FAAP20: variants seen among roughly 807,000 people sequenced by gnomAD.
The protein encoded by FAAP20 is FA core complex associated protein 20, also known as Fanconi anemia core complex-associated protein 20.
A neutral mutation model predicts 16.2 loss-of-function variants in FAAP20; 12 were observed. That is an observed-to-expected ratio of 0.74 (90% CI 0.48 to 1.20). The LOEUF (loss-of-function observed/expected upper bound fraction) is 1.20, where lower values mean the gene tolerates loss of function less well. Among genes scored for constraint, FAAP20 ranks in the 50% most tolerant of loss-of-function variants. The probability of loss-of-function intolerance (pLI) is 0.00; values close to 1 mark genes in which losing one functional copy is unlikely to be tolerated. For synonymous variants in FAAP20, 141 were observed against 110.7 expected, an observed-to-expected ratio of 1.27 and a Z score of -1.72; for missense variants, 288 against 245.8, an observed-to-expected ratio of 1.17 and a Z score of -1.15.
downstream of FAAP20, among the ~76,000 whole-genome samples, chr1:2,207,253 C>T (rs1209104981): frequency 6.6e-6 from 1 of 152,192 alleles, no homozygotes; most frequent in Non-Finnish European, 1.5e-5. Flanking sequence ...GCCTGTGCAT[C>T]CAGGGTGTCT....
downstream of FAAP20, among the ~76,000 whole-genome samples, chr1:2,186,580 A>G (rs1041280266): frequency 6.8e-6 from 1 of 147,690 alleles, no homozygotes; most frequent in Non-Finnish European, 1.5e-5. Context: ...TTGAGACTCA[A>G]CTCCAAAGAC....
downstream of FAAP20, among the ~76,000 whole-genome samples, chr1:2,209,122 T>C (rs1490324230): frequency 6.6e-6 from 1 of 152,124 alleles, no homozygotes; most frequent in Non-Finnish European, 1.5e-5. Context: ...CGGTGTCCTC[T>C]ACCCACCATC....
At chr1:2,185,200 A>C (rs1687397053), downstream of FAAP20, 15 of 709,060 alleles carry the variant, frequency 2.1e-5, no homozygotes, top group Admixed American at 6.1e-5. Flanking sequence ...GGGCCCGGGC[A>C]GGCCAGCTTC....
chr1:2,184,880 A>G (rs2100596504), downstream of FAAP20: 1 of 1,545,964 alleles, frequency 6.5e-7, no homozygotes, highest in East Asian at 2.3e-5. Flanking sequence ...AAGGGAATGA[A>G]CACACGGTCA....
chr1:2,197,661 C>G (rs755880111), upstream of FAAP20, among the ~76,000 whole-genome samples: 1 of 152,248 alleles, frequency 6.6e-6, no homozygotes, highest in South Asian at 2.1e-4. Context: ...GCTTTGGGGA[C>G]GCAGAGGCAG....
downstream of FAAP20, chr1:2,189,533 G>C (rs370181590): frequency 4.8e-6 from 3 of 629,770 alleles, no homozygotes; most frequent in Non-Finnish European, 5.8e-6. Context: ...ACGTCAGAAA[G>C]AAAAGCGGCA....
At chr1:2,184,902 C>T (rs780864768), downstream of FAAP20, 5 of 1,608,436 alleles carry the variant, frequency 3.1e-6, no homozygotes, top group East Asian at 4.5e-5. Context: ...CCCCCTCCCC[C>T]CTGCCACCTT....
rs745438526 is a variant in FAAP20 at position 2,192,592 on chromosome 1, G to C, written c.470+1047C>G. The C allele has an allele frequency of 5.6e-6, 6 of 1,078,712 alleles. No individual in the cohort carries two copies. In the Admixed American group the frequency reaches 2.2e-4, roughly 40 times the overall value. The allele number at this position is 1,078,712 out of a possible 1,614,324, so 66.8% of individuals were successfully genotyped here. ...ATCTCAGAGCTTCAGCCAAGAGCAT[G>C]GATTTCTCCCCAGGGCTCCCAACAG... On this transcript the variant is annotated intron_variant, in intron 3 of 3. Coordinates refer to ENST00000378546, the MANE Select transcript of FAAP20 (RefSeq NM_182533.4).
upstream of FAAP20, chr1:2,200,692 G>A (rs992466617): frequency 1.3e-5 from 13 of 986,832 alleles, no homozygotes; most frequent in Admixed American, 1.2e-4. Context: ...TTTCCAAGCC[G>A]CCACGCACCA....
chr1:2,194,691 C>T lies in FAAP20; in HGVS notation c.59G>A (p.Gly20Asp). 9 of 1,161,878 alleles carry T rather than the reference C, an allele frequency of 7.7e-6. No individual in the cohort carries two copies. Among genetic ancestry groups the T allele is most frequent in the Non-Finnish European group, 9.5e-6 (9 of 945,234 alleles). The allele number at this position is 1,161,878 out of a possible 1,614,324, so 72.0% of individuals were successfully genotyped here. A position where few individuals can be genotyped will look rare whatever the true frequency, so the allele number is the denominator to read the frequency against. Reference sequence around the variant, plus strand: ...CCCGCCCGGCTCCCGGCCTCACCCGCCCGCCGGGCGCGGCCTCCGGCGGCT... The same window carrying T: ...CCCGCCCGGCTCCCGGCCTCACCCGTCCGCCGGGCGCGGCCTCCGGCGGCT... ...GLSRRRPRPA[G>D]GPSGGRPWFL... The change falls in exon 1 of 4, where the codon GGC becomes GAC. Residue 20 changes from glycine to aspartate, a missense_variant. Coordinates refer to ENST00000378546, the MANE Select transcript of FAAP20 (RefSeq NM_182533.4).
Position 2,194,753 on chromosome 1 carries a change from A to C in FAAP20, c.-4T>G. 2 of 1,180,652 alleles carry C rather than the reference A, an allele frequency of 1.7e-6. No individual in the cohort carries two copies. The highest frequency in any genetic ancestry group is 2.1e-6 in the Non-Finnish European group (2 of 956,654). The allele number at this position is 1,180,652 out of a possible 1,614,324, so 73.1% of individuals were successfully genotyped here. A position where few individuals can be genotyped will look rare whatever the true frequency, so the allele number is the denominator to read the frequency against. On this transcript the variant is annotated 5_prime_UTR_variant, in exon 1 of 4. Coordinates refer to ENST00000378546, the MANE Select transcript of FAAP20 (RefSeq NM_182533.4). ...GCGGCCTCCGCGCCGCCTCCATCCAAGCCCGCGCCGGGCGGAAGTGAGCGC... is the reference window on the plus strand; with the variant it reads ...GCGGCCTCCGCGCCGCCTCCATCCACGCCCGCGCCGGGCGGAAGTGAGCGC...
intron 1 of FAAP20, 115 bp downstream of exon 1, chr1:2,194,573 C>T (rs1572120076): frequency 2.3e-6 from 1 of 442,682 alleles, no homozygotes; most frequent in Non-Finnish European, 3.2e-6. Context: ...GGGGCCGGGC[C>T]CGGGGGCAGG....
chr1:2,198,497 A>C (rs1415188644), upstream of FAAP20: 2 of 444,788 alleles, frequency 4.5e-6, no homozygotes, highest in Non-Finnish European at 3.7e-6. Flanking sequence ...TGTCCCAGCC[A>C]CTGGCATCCT....
chr1:2,185,619 G>A, downstream of FAAP20: 2 of 667,598 alleles, frequency 3.0e-6, no homozygotes, highest in South Asian at 3.4e-5. Flanking sequence ...AGGGTGAAGT[G>A]ACACCTTAAG....
chr1:2,201,833 C>T (rs1425273439), upstream of FAAP20, among the ~76,000 whole-genome samples: 3 of 151,838 alleles, frequency 2.0e-5, no homozygotes, highest in South Asian at 2.1e-4. Flanking sequence ...TTGGCTAACA[C>T]GGTGAAACCC....
At chr1:2,199,205 A>G (rs1267634700), upstream of FAAP20, 2 of 1,168,078 alleles carry the variant, frequency 1.7e-6, no homozygotes, top group Admixed American at 4.0e-5. The surrounding 1 kb of genome is among the most constrained non-coding windows in gnomAD (Gnocchi z 4.5). Context: ...CCGACCAGAC[A>G]GGGCCAGCCG....
At chr1:2,203,100 T>C (rs1350848309), upstream of FAAP20, among the ~76,000 whole-genome samples, 5 of 152,170 alleles carry the variant, frequency 3.3e-5, no homozygotes, top group Admixed American at 1.3e-4. Context: ...TCCCTGCCCA[T>C]GGCCTGGCAA....
intron 3 of FAAP20, 29 bp downstream of exon 3, chr1:2,193,610 C>T: frequency 6.3e-7 from 1 of 1,581,072 alleles, no homozygotes; most frequent in Non-Finnish European, 8.5e-7. Flanking sequence ...GATGGATAAC[C>T]GGGCCGGGCG....
downstream of FAAP20, chr1:2,185,186 A>T (rs1006004882): frequency 3.8e-5 from 27 of 719,192 alleles, no homozygotes; most frequent in Non-Finnish European, 5.9e-5. Context: ...AGTCCCTCAC[A>T]CCTGGGCCCG....
Sources: gnomAD v4.1 joint callset for allele counts (sites outside exome capture counted in the v4.1 genomes callset) on GRCh38, gnomAD v4.1.1 for gene constraint, Gnocchi (gnomAD v3.1) non-coding constraint, MANE v1.5 for transcripts, NCBI Gene and HGNC (gene_info 2026-07-23, HGNC 2026-07-21) for gene names.